HIPK3: variants seen among roughly 807,000 people sequenced by gnomAD.
HIPK3 encodes homeodomain-interacting protein kinase 3.
In HIPK3, 47 loss-of-function variants were observed where a neutral mutation model predicts 124.2. That is an observed-to-expected ratio of 0.38 (90% CI 0.30 to 0.48). The LOEUF is 0.48. Among genes scored for constraint, HIPK3 ranks in the 20% least tolerant of loss-of-function variants. The pLI, the probability that HIPK3 is intolerant of heterozygous loss-of-function variation, is 0.98. For missense variants in HIPK3, 1,286 were observed against 1,454.3 expected, an observed-to-expected ratio of 0.88 and a Z score of 1.88; for synonymous variants, 482 against 515.2, an observed-to-expected ratio of 0.94 and a Z score of 0.87.
At chr11:33,302,701 A>C (rs1421566688) in intron 2 of HIPK3, among the ~76,000 whole-genome samples, 1 of 152,218 alleles carries the variant, frequency 6.6e-6, no homozygotes, top group Admixed American at 6.5e-5. Context: ...AATAATATGA[A>C]GAAGATAAGA....
chr11:33,341,214 G>A (rs917698248), intron 7 of HIPK3, 87 bp downstream of exon 7: 3 of 948,286 alleles, frequency 3.2e-6, no homozygotes, highest in Non-Finnish European at 4.7e-6. Flanking sequence ...TTTGGTGTCA[G>A]TTGTTAGAAT....
intron 1 of HIPK3, among the ~76,000 whole-genome samples, chr11:33,278,269 G>C (rs191239760): frequency 1.3e-5 from 2 of 152,266 alleles, no homozygotes; most frequent in East Asian, 3.9e-4. Context: ...AATTTTACTA[G>C]AAAGAGGAAC....
Position 33,341,566 on chromosome 11 carries a change from T to A in HIPK3, c.1777T>A (p.Leu593Met). 6.2e-7 allele frequency: 1 copy of A among 1,608,246 alleles called. No homozygotes were observed. The highest frequency in any genetic ancestry group is 1.1e-5 in the South Asian group (1 of 89,254). ...TKIGTLRSQA[L>M]TTSAHSVVHH... ...TATAATGTGCTCGTTGTTTCAGGCA[T>A]TGACCACATCTGCTCATTCAGTTGT... Residue 593 changes from leucine to methionine, a missense_variant, in exon 8 of 17, where the codon TTG becomes ATG. Physicochemically the swap from Leu to Met is conservative, Grantham distance 15 (BLOSUM62 2). Coordinates refer to ENST00000303296, the MANE Select transcript of HIPK3 (RefSeq NM_005734.5).
intron 2 of HIPK3, among the ~76,000 whole-genome samples, chr11:33,316,991 A>T (rs1283569028): frequency 1.3e-5 from 2 of 151,942 alleles, no homozygotes; most frequent in African/African-American, 4.8e-5. Flanking sequence ...TGTTTAATTA[A>T]TTTTTTTTGA....
chr11:33,267,685 A>G (rs1429172678), intron 1 of HIPK3, among the ~76,000 whole-genome samples: 3 of 149,910 alleles, frequency 2.0e-5, no homozygotes, highest in Non-Finnish European at 4.4e-5. Flanking sequence ...TTTAGTAGAG[A>G]TGGGGTTTCA....
intron 1 of HIPK3, chr11:33,258,406 T>A (rs368785191): frequency 2.0e-6 from 2 of 985,698 alleles, no homozygotes; most frequent in East Asian, 2.3e-4. Context: ...CCGGGCTTTG[T>A]GGCCCCGTCC....
chr11:33,285,897 G>A (rs181008055), intron 1 of HIPK3, among the ~76,000 whole-genome samples: 2 of 151,790 alleles, frequency 1.3e-5, no homozygotes, highest in Non-Finnish European at 2.9e-5. Context: ...TCAGCCTCCC[G>A]AGTAGCTGGG....
At chr11:33,332,954 G>A (rs1014869370) in intron 3 of HIPK3, among the ~76,000 whole-genome samples, 9 of 152,174 alleles carry the variant, frequency 5.9e-5, no homozygotes, top group African/African-American at 2.2e-4. Flanking sequence ...CACATGGTGA[G>A]AATAGGAGCA....
At position 33,294,224 on chromosome 11, in the gene HIPK3, CT is replaced by C. The variant is rs146470604; in HGVS notation, c.1097+6721del. 9.8e-3 allele frequency among the ~76,000 whole-genome samples: 1,488 copies of C among 151,544 alleles called. 27 individuals are homozygous for C. The highest frequency in any genetic ancestry group is 0.033 in the African/African-American group (1,377 of 41,302). On this transcript the variant is annotated intron_variant, in intron 2 of 16. Coordinates refer to ENST00000303296, the MANE Select transcript of HIPK3 (RefSeq NM_005734.5). Reference sequence around the variant, plus strand: ...AGAGAAGTTTAAACTTTTTTAGTTCCTTTTTTTTCTTTAACTTTTACATTGA... The same window carrying C: ...AGAGAAGTTTAAACTTTTTTAGTTCCTTTTTTTCTTTAACTTTTACATTGA...
chr11:33,299,763 C>A (rs1045350623), intron 2 of HIPK3, among the ~76,000 whole-genome samples: 3 of 152,058 alleles, frequency 2.0e-5, no homozygotes, highest in African/African-American at 4.8e-5. Flanking sequence ...CAGTGGCTCA[C>A]GCCTGTTATC....
At position 33,356,088 on chromosome 11, in the gene HIPK3, TGACA is replaced by T. The variant is rs1853809693; in HGVS notation, c.*2523_*2526del. ...GATTGTATCACAACAGGTACAAAAC[TGACA>T]GAGTTTTCTTTTTGTTTAGGGCCAT... On this transcript the variant is annotated 3_prime_UTR_variant, in exon 17 of 17. Transcript: ENST00000303296. The T allele has an allele frequency of 1.3e-5, 2 of 152,022 alleles. No homozygotes were observed. Among genetic ancestry groups the T allele is most frequent in the South Asian group, 4.1e-4 (2 of 4,830 alleles). 9.4% of individuals were successfully genotyped at this position (152,022 alleles called of 1,614,324 possible). A position where few individuals can be genotyped will look rare whatever the true frequency, so the allele number is the denominator to read the frequency against.
At chr11:33,319,301 C>A (rs1852594947) in intron 2 of HIPK3, among the ~76,000 whole-genome samples, 1 of 152,148 alleles carries the variant, frequency 6.6e-6, no homozygotes, top group Non-Finnish European at 1.5e-5. Context: ...TCGAGACCAT[C>A]CTGGCCAATA....
Position 33,257,523 on chromosome 11 carries a change from GGGCCCCGCACCCTGCGTCGCCCGTA to G in HIPK3, c.-362_-338del, listed in dbSNP as rs1193182651. The stretch of plus-strand genomic sequence containing the variant: ...GTCAGGAATGGGCCCCAATCGCCGT[GGGCCCCGCACCCTGCGTCGCCCGTA>G]GGCCCCAGTAGCCGGAGGCCGACCG... On this transcript the variant is annotated 5_prime_UTR_variant, in exon 1 of 17. It introduces an in-frame stop codon into an upstream open reading frame of the 5' UTR. Coordinates refer to ENST00000303296, the MANE Select transcript of HIPK3 (RefSeq NM_005734.5). 2 of 985,490 alleles carry G rather than the reference GGGCCCCGCACCCTGCGTCGCCCGTA, an allele frequency of 2.0e-6. No individual in the cohort carries two copies. Among genetic ancestry groups the G allele is most frequent in the Non-Finnish European group, 2.4e-6 (2 of 830,142 alleles). The allele number at this position is 985,490 out of a possible 1,614,324, so 61.0% of individuals were successfully genotyped here. A position where few individuals can be genotyped will look rare whatever the true frequency, so the allele number is the denominator to read the frequency against.
At chr11:33,309,393 G>C (rs1213393581) in intron 2 of HIPK3, among the ~76,000 whole-genome samples, 1 of 152,226 alleles carries the variant, frequency 6.6e-6, no homozygotes, top group African/African-American at 2.4e-5. Flanking sequence ...GGGATTACAG[G>C]TGTGTCACCA....
At chr11:33,257,001 C>T (rs1850681208), upstream of HIPK3, among the ~76,000 whole-genome samples, 1 of 152,184 alleles carries the variant, frequency 6.6e-6, no homozygotes, top group Non-Finnish European at 1.5e-5. Flanking sequence ...CTCGAAAGGC[C>T]TGTAAAATCC....
chr11:33,346,773 G>A (rs1437346664), intron 8 of HIPK3, among the ~76,000 whole-genome samples: 1 of 152,204 alleles, frequency 6.6e-6, no homozygotes, highest in East Asian at 1.9e-4. Context: ...GAAACAGAAA[G>A]GGAAGCTTTA....
intron 8 of HIPK3, among the ~76,000 whole-genome samples, chr11:33,343,720 C>G (rs1334757001): frequency 6.6e-6 from 1 of 152,094 alleles, no homozygotes; most frequent in Non-Finnish European, 1.5e-5. Context: ...CAGGTCAGAT[C>G]TTTAGTTACT....
chr11:33,324,204 A>G (rs1351244848), intron 2 of HIPK3, among the ~76,000 whole-genome samples: 1 of 152,000 alleles, frequency 6.6e-6, no homozygotes, highest in African/African-American at 2.4e-5. Flanking sequence ...TTTATTCACT[A>G]CTGACAGACG....
Position 33,353,078 on chromosome 11 carries a change from T to TTTTTTTTTTTTTTTTTTTTTA in HIPK3, c.3172-13_3172-12insTTTTTTTTTTTTTTTTTTTAT. ...TATGTTATTCAGTCATTTTTTTTTTTTCTTTGTGGATAGGTTCAGCACTTT... is the reference window on the plus strand; with the variant it reads ...TATGTTATTCAGTCATTTTTTTTTTTTTTTTTTTTTTTTTTTTTTTATCTTTGTGGATAGGTTCAGCACTTT... On this transcript the variant is annotated splice_polypyrimidine_tract_variant and intron_variant, in intron 16 of 16. Transcript: ENST00000303296. The TTTTTTTTTTTTTTTTTTTTTA allele has an allele frequency of 6.6e-7, 1 of 1,506,734 alleles. No individual in the cohort carries two copies. Among genetic ancestry groups the TTTTTTTTTTTTTTTTTTTTTA allele is most frequent in the African/African-American group, 1.4e-5 (1 of 71,402 alleles). 93.3% of individuals were successfully genotyped at this position (1,506,734 alleles called of 1,614,324 possible). A position where few individuals can be genotyped will look rare whatever the true frequency, so the allele number is the denominator to read the frequency against.
Sources: allele counts gnomAD v4.1 joint callset (sites outside exome capture counted in the v4.1 genomes callset), GRCh38; gene constraint gnomAD v4.1.1; transcripts MANE v1.5; gene names NCBI Gene and HGNC (gene_info 2026-07-23, HGNC 2026-07-21).